Variants in SEM1 observed in about 807,000 individuals in gnomAD.
The protein encoded by SEM1 is 26S proteasome complex subunit SEM1.
SEM1 carries 3 observed loss-of-function variants against 12.7 expected under a neutral mutation model. That is an observed-to-expected ratio of 0.24 (90% CI 0.11 to 0.61). The LOEUF (loss-of-function observed/expected upper bound fraction) is 0.61, where lower values mean the gene tolerates loss of function less well. Ranked by LOEUF, SEM1 falls within the 20% of genes least tolerant of loss-of-function variation. The pLI is 0.88. For synonymous variants in SEM1, 30 were observed against 27.8 expected (o/e 1.08, Z -0.25); for missense variants, 59 against 81.3 (o/e 0.73, Z 1.06).
chr7:96,627,624 A>G (rs1028391564), intron 2 of SEM1, among the ~76,000 whole-genome samples: 55 of 152,258 alleles, frequency 3.6e-4, no homozygotes, highest in Middle Eastern at 3.4e-3. Context: ...CATTGTGGTC[A>G]GAGAAGATGC....
At position 96,578,516 on chromosome 7, in the gene SEM1, C is replaced by CA. The variant is rs540381406; in HGVS notation, c.171-71819dup. Among the ~76,000 whole-genome samples, 802 of 152,138 alleles carry CA rather than the reference C, an allele frequency of 5.3e-3. 11 individuals are homozygous for CA. Among genetic ancestry groups the CA allele is most frequent in the African/African-American group, 0.018 (766 of 41,522 alleles). Reference sequence around the variant, plus strand: ...AACATCTTCCAATGTGAAATTAGCACATTTCTAACAAACTAAAAGATCTAT... The same window carrying CA: ...AACATCTTCCAATGTGAAATTAGCACAATTTCTAACAAACTAAAAGATCTAT... On this transcript the variant is annotated intron_variant and NMD_transcript_variant, in intron 2 of 3. Coordinates refer to the SEM1 transcript ENST00000466986.
intron 2 of SEM1, among the ~76,000 whole-genome samples, chr7:96,507,055 AT>A (rs915722980): frequency 1.3e-5 from 2 of 152,054 alleles, no homozygotes; most frequent in Non-Finnish European, 2.9e-5. Context: ...TTATCTCTTT[AT>A]TAAAAAAAAT....
At chr7:96,518,628 A>G (rs1449638223) in intron 2 of SEM1, among the ~76,000 whole-genome samples, 2 of 152,108 alleles carry the variant, frequency 1.3e-5, no homozygotes, top group Non-Finnish European at 2.9e-5. Flanking sequence ...GCAGCCCTTC[A>G]GTTCATAATT....
chr7:96,573,263 T>A (rs1004230329), intron 2 of SEM1, among the ~76,000 whole-genome samples: 1 of 152,236 alleles, frequency 6.6e-6, no homozygotes, highest in Non-Finnish European at 1.5e-5. Flanking sequence ...TGTCTTTTAA[T>A]TGGGGCATTT....
chr7:96,536,749 A>G (rs1804798721), intron 2 of SEM1, among the ~76,000 whole-genome samples: 1 of 151,702 alleles, frequency 6.6e-6, no homozygotes, highest in African/African-American at 2.4e-5. Flanking sequence ...CTTTCTTCTG[A>G]TCAGTTAAAT....
intron 3 of SEM1, among the ~76,000 whole-genome samples, chr7:96,505,838 G>A (rs1803739284): frequency 6.6e-6 from 1 of 151,996 alleles, no homozygotes; most frequent in Non-Finnish European, 1.5e-5. Context: ...ATCACCTTGG[G>A]AATTAGGATT....
intron 2 of SEM1, among the ~76,000 whole-genome samples, chr7:96,629,413 T>C (rs1808176447): frequency 1.3e-5 from 2 of 151,906 alleles, no homozygotes; most frequent in Admixed American, 1.3e-4. Context: ...TTCTGCTTGA[T>C]CAATTCTCCT....
intron 2 of SEM1, among the ~76,000 whole-genome samples, chr7:96,599,537 C>T (rs918934887): frequency 2.6e-5 from 4 of 152,192 alleles, no homozygotes; most frequent in Non-Finnish European, 5.9e-5. Context: ...TACGTCCCCA[C>T]TTGCTTCAAC....
intron 2 of SEM1, among the ~76,000 whole-genome samples, chr7:96,630,354 C>T (rs569760348): frequency 2.0e-5 from 3 of 152,260 alleles, no homozygotes; most frequent in African/African-American, 7.2e-5. Flanking sequence ...AGGCACAGTC[C>T]TTCCCACTCT....
At chr7:96,659,794 A>G (rs2116508897) in intron 2 of SEM1, among the ~76,000 whole-genome samples, 1 of 152,102 alleles carries the variant, frequency 6.6e-6, no homozygotes, top group African/African-American at 2.4e-5. Context: ...CTTACAAACT[A>G]ATAGAGGGAA....
chr7:96,507,901 G>A (rs73708326), intron 2 of SEM1, among the ~76,000 whole-genome samples: 7,849 of 152,094 alleles, frequency 0.052, 684 homozygotes, highest in African/African-American at 0.18. Flanking sequence ...ATTGAGAGCA[G>A]TTTTCAGTTC....
At chr7:96,647,984 G>C (rs1030433201) in intron 2 of SEM1, among the ~76,000 whole-genome samples, 1 of 152,148 alleles carries the variant, frequency 6.6e-6, no homozygotes, top group Non-Finnish European at 1.5e-5. Context: ...TGGCACTTTG[G>C]CTAGGAGTAC....
At chr7:96,585,253 T>TG (rs1479010478) in intron 2 of SEM1, among the ~76,000 whole-genome samples, 5 of 152,168 alleles carry the variant, frequency 3.3e-5, no homozygotes, top group Admixed American at 3.3e-4. Flanking sequence ...CTGCCCCTGC[T>TG]GGGGGGTGCC....
intron 2 of SEM1, among the ~76,000 whole-genome samples, chr7:96,600,956 T>C (rs1807180200): frequency 6.6e-6 from 1 of 152,154 alleles, no homozygotes; most frequent in Non-Finnish European, 1.5e-5. Context: ...TACTATTTGC[T>C]TTTGAAATCT....
intron 2 of SEM1, among the ~76,000 whole-genome samples, chr7:96,652,367 T>C (rs1469387278): frequency 1.3e-5 from 2 of 152,150 alleles, no homozygotes; most frequent in Admixed American, 1.3e-4. Context: ...TTGAATTCTA[T>C]ATATATTGTA....
intron 2 of SEM1, among the ~76,000 whole-genome samples, chr7:96,632,627 A>G (rs1808300002): frequency 6.6e-6 from 1 of 152,056 alleles, no homozygotes; most frequent in African/African-American, 2.4e-5. Context: ...GGGTGCAGCA[A>G]ATCACCATGG....
At chr7:96,542,808 G>T (rs1225316743) in intron 2 of SEM1, among the ~76,000 whole-genome samples, 1 of 151,580 alleles carries the variant, frequency 6.6e-6, no homozygotes, top group Non-Finnish European at 1.5e-5. Context: ...ATATATATCA[G>T]GATCTTCATA....
intron 2 of SEM1, among the ~76,000 whole-genome samples, chr7:96,557,858 G>C (rs962358982): frequency 2.0e-5 from 3 of 152,166 alleles, no homozygotes; most frequent in Non-Finnish European, 4.4e-5. Context: ...GTGGGCGTAG[G>C]ACCCTCCGAG....
chr7:96,683,811 A>G (rs1789687330), downstream of SEM1, among the ~76,000 whole-genome samples: 1 of 152,178 alleles, frequency 6.6e-6, no homozygotes, highest in Non-Finnish European at 1.5e-5. Flanking sequence ...GTTTTCACTC[A>G]TAAGTGGAAG....
Sources: allele counts gnomAD v4.1 joint callset (sites outside exome capture counted in the v4.1 genomes callset), GRCh38; gene constraint gnomAD v4.1.1; transcripts MANE v1.5; gene names NCBI Gene and HGNC (gene_info 2026-07-23, HGNC 2026-07-21).